The following ZNF226 variants were observed in gnomAD, a reference collection of about 807,000 sequenced individuals.
ZNF226 encodes Kruppel-associated box protein.
ZNF226 carries 6 observed loss-of-function variants against 11.4 expected under a neutral mutation model. That is an observed-to-expected ratio of 0.53 (90% CI 0.29 to 1.04). The LOEUF is 1.04. ZNF226 is among the 50% of genes least tolerant of loss of function. ZNF226 has a pLI of 0.08. For missense variants in ZNF226, 1,058 were observed against 956.5 expected (o/e 1.11, Z -1.40); for synonymous variants, 350 against 322.8 (o/e 1.08, Z -0.90).
In ZNF226 at chr19:44,172,902, A is replaced by G. The variant is rs1400900662; in HGVS notation, c.185A>G (p.Asn62Ser). The change falls in exon 5 of 6, where the codon AAT (asparagine) becomes AGT (serine). Residue 62 changes from asparagine to serine, a missense_variant. Transcript: ENST00000337433. ...FKQDVSPIER[N>S]EQLWIMTTAT... ...CAAGATGTATCACCTATAGAAAGAA[A>G]TGAGCAGCTTTGGATAATGACGACA... 1 of 1,606,536 alleles carries G rather than the reference A, an allele frequency of 6.2e-7. No homozygotes were observed. The highest frequency in any genetic ancestry group is 8.5e-7 in the Non-Finnish European group (1 of 1,176,482).
chr19:44,171,875 AG>A (rs1363368681), intron 3 of ZNF226, among the ~76,000 whole-genome samples: 1 of 152,216 alleles, frequency 6.6e-6, no homozygotes, highest in African/African-American at 2.4e-5. Context: ...CCCTTATAAG[AG>A]TACTCACTGA....
chr19:44,175,603 G>A lies in ZNF226; in HGVS notation c.341G>A (p.Cys114Tyr). ...CAAATTGCAAATGACTTAACCAGGT[G>A]TCAAGACTCCATGATCAATAATTCT... ...WQQIANDLTR[C>Y]QDSMINNSQC... Residue 114 changes from cysteine to tyrosine, a missense_variant, in exon 6 of 6, where the codon TGT becomes TAT. Physicochemically the swap from Cys to Tyr is radical, Grantham distance 194. Transcript: ENST00000337433. The A allele has an allele frequency of 1.2e-6, 2 of 1,613,880 alleles. No individual in the cohort carries two copies. Among genetic ancestry groups the A allele is most frequent in the Non-Finnish European group, 1.7e-6 (2 of 1,179,830 alleles).
Position 44,177,556 on chromosome 19 carries a change from G to A in ZNF226, c.2294G>A (p.Ser765Asn), listed in dbSNP as rs762152450. The A allele has an allele frequency of 2.5e-6, 4 of 1,613,924 alleles. No individual in the cohort carries two copies. ...TGTGAGATATGTGGTAAGAGCTTCA[G>A]TTGGCGATCAAATCTTACAGTTCAT... is the stretch of plus-strand genomic sequence containing the variant. Reference protein sequence around the residue: ...YKCEICGKSFSWRSNLTVHHR... With the variant: ...YKCEICGKSFNWRSNLTVHHR... The change falls in exon 6 of 6, where the codon AGT becomes AAT. Residue 765 changes from serine to asparagine, a missense_variant. Ser to Asn is a conservative substitution (Grantham distance 46). Transcript: ENST00000337433.
chr19:44,174,945 G>A (rs1970542529), intron 5 of ZNF226: 1 of 1,592,086 alleles, frequency 6.3e-7, no homozygotes, highest in South Asian at 1.1e-5. Context: ...TTTCAACTTT[G>A]CAGCAAAACT....
the ZNF226 span, among the ~76,000 whole-genome samples, chr19:44,188,182 T>A: frequency 6.6e-6 from 1 of 152,184 alleles, no homozygotes; most frequent in African/African-American, 2.4e-5. Flanking sequence ...TCCTCATTGA[T>A]CTTCTGTCTA....
At chr19:44,169,951 C>A in intron 2 of ZNF226, 84 bp from the exon 3 acceptor site, 1 of 848,236 alleles carries the variant, frequency 1.2e-6, no homozygotes, top group Non-Finnish European at 1.8e-6. Flanking sequence ...AAGAAGCACA[C>A]ACCTTTGCTA....
chr19:44,192,439 C>T, the ZNF226 span, among the ~76,000 whole-genome samples: 2 of 152,040 alleles, frequency 1.3e-5, no homozygotes, highest in Non-Finnish European at 2.9e-5. Context: ...TGATTTTAGT[C>T]GTTCACTTAA....
chr19:44,172,024 T>G, intron 3 of ZNF226, 64 bp from the exon 4 acceptor site: 1 of 1,586,006 alleles, frequency 6.3e-7, no homozygotes, highest in Non-Finnish European at 8.6e-7. Flanking sequence ...CCACCTGTTC[T>G]CAGTGTTACC....
rs755612852 is a variant in ZNF226 at position 44,177,066 on chromosome 19, C to T, written c.1804C>T (p.Leu602Phe). ...CAAGGGATTTAGTCGTAGAGCAGAT[C>T]TTAAAATTCACTGTAGGATCCACAC... ...CGKGFSRRAD[L>F]KIHCRIHTGE... Residue 602 changes from leucine (L) to phenylalanine (F), a missense_variant, in exon 6 of 6, where the codon CTT (leucine) becomes TTT (phenylalanine). Coordinates refer to ENST00000337433, the MANE Select transcript of ZNF226 (RefSeq NM_001032373.2). 2 of 1,613,502 alleles carry T rather than the reference C, an allele frequency of 1.2e-6. No homozygotes were observed. The highest frequency in any genetic ancestry group is 2.2e-5 in the South Asian group (2 of 91,038).
rs778720562 is a variant in ZNF226, at chr19:44,176,537, T to G, written c.1275T>G (p.Gly425=). The change falls in exon 6 of 6, where the codon GGT becomes GGG. Residue 425 remains glycine, a synonymous_variant. Coordinates refer to ENST00000337433, the MANE Select transcript of ZNF226 (RefSeq NM_001032373.2). The part of the protein sequence containing the change: ...GEKPYKCEEC[G]KGFICSSNLY... ...AACCATACAAATGTGAGGAGTGTGG[T>G]AAGGGCTTCATTTGTAGCTCAAATC... 14 of 1,613,446 alleles carry G rather than the reference T, an allele frequency of 8.7e-6. No individual in the cohort carries two copies. The highest frequency in any genetic ancestry group is 1.0e-5 in the Non-Finnish European group (12 of 1,179,790).
chr19:44,165,456 C>G (rs571901709), intron 1 of ZNF226: 1 of 152,152 alleles, frequency 6.6e-6, no homozygotes, highest in South Asian at 2.1e-4. Context: ...ATCCCCGTGC[C>G]TTCGTTTGCT....
At position 44,176,985 on chromosome 19, in the gene ZNF226, C is replaced by A. The variant is rs1267837009; in HGVS notation, c.1723C>A (p.Gln575Lys). 4 of 1,613,900 alleles carry A rather than the reference C, an allele frequency of 2.5e-6. No homozygotes were observed. Among genetic ancestry groups the A allele is most frequent in the Middle Eastern group, 3.3e-4 (2 of 6,058 alleles). ...GQGFNQSSRL[Q>K]IHQLIHTGEK... is the part of the protein sequence containing the mutation. ...GGGTTTCAATCAGAGCTCACGACTTCAGATTCACCAGCTGATCCATACGGG... is the reference window on the plus strand; with the variant it reads ...GGGTTTCAATCAGAGCTCACGACTTAAGATTCACCAGCTGATCCATACGGG... The change falls in exon 6 of 6, where the codon CAG (glutamine) becomes AAG (lysine). Residue 575 changes from glutamine to lysine, a missense_variant. Transcript: ENST00000337433.
downstream of ZNF226, among the ~76,000 whole-genome samples, chr19:44,179,244 AGTCT>A (rs1970870639): frequency 1.3e-5 from 2 of 152,268 alleles, no homozygotes; most frequent in South Asian, 2.1e-4. Flanking sequence ...TCTAATCGTG[AGTCT>A]GTCCTATGCC....
Position 44,176,737 on chromosome 19 carries a change from C to T in ZNF226, c.1475C>T (p.Ala492Val), listed in dbSNP as rs1429179481. 6.2e-7 allele frequency: 1 copy of T among 1,613,508 alleles called. No homozygotes were observed. The highest frequency in any genetic ancestry group is 8.5e-7 in the Non-Finnish European group (1 of 1,179,878). Residue 492 changes from alanine to valine, a missense_variant, in exon 6 of 6, where the codon GCC becomes GTC. Ala to Val is a moderately conservative substitution (Grantham distance 64, BLOSUM62 0). Coordinates refer to ENST00000337433, the MANE Select transcript of ZNF226 (RefSeq NM_001032373.2). ...TTTACTCTGAGTTCAAATCTTCAAGCCCATCAGAGAGTCCACACTGGAGAG... is the reference window on the plus strand; with the variant it reads ...TTTACTCTGAGTTCAAATCTTCAAGTCCATCAGAGAGTCCACACTGGAGAG... ...KGFTLSSNLQ[A>V]HQRVHTGEKP...
At chr19:44,166,304 C>T (rs536796969) in intron 2 of ZNF226, among the ~76,000 whole-genome samples, 50 of 152,176 alleles carry the variant, frequency 3.3e-4, no homozygotes, top group Non-Finnish European at 5.6e-4. Context: ...AGTTTGAGAC[C>T]AGTCTGGCCA....
chr19:44,177,991 T>G (rs943234541), downstream of ZNF226: 6 of 221,238 alleles, frequency 2.7e-5, no homozygotes, highest in Admixed American at 1.5e-4. Flanking sequence ...AATCTTACCA[T>G]TGCCATATAC....
chr19:44,182,490 A>G (rs575728449), downstream of ZNF226, among the ~76,000 whole-genome samples: 2 of 152,332 alleles, frequency 1.3e-5, no homozygotes, highest in Middle Eastern at 3.4e-3. Context: ...ATATACAGAG[A>G]CATAGGAATG....
chr19:44,168,957 C>A, intron 2 of ZNF226, among the ~76,000 whole-genome samples: 1 of 99,008 alleles, frequency 1.0e-5, no homozygotes, highest in African/African-American at 4.1e-5. Flanking sequence ...ATTACACATT[C>A]TTTTGTTTAT....
downstream of ZNF226, among the ~76,000 whole-genome samples, chr19:44,181,966 A>G (rs1970912364): frequency 6.6e-6 from 1 of 152,184 alleles, no homozygotes; most frequent in African/African-American, 2.4e-5. Flanking sequence ...AATTTATATC[A>G]ATAGAAACCT....
Sources: allele counts gnomAD v4.1 joint callset (sites outside exome capture counted in the v4.1 genomes callset), GRCh38; gene constraint gnomAD v4.1.1; transcripts MANE v1.5; gene names NCBI Gene and HGNC (gene_info 2026-07-23, HGNC 2026-07-21).